The following PLXNA2 variants were observed in gnomAD, a reference collection of about 807,000 sequenced individuals.
PLXNA2 encodes the protein plexin-A2.
Under a neutral mutation model 193.5 loss-of-function variants are expected in PLXNA2, and 91 were observed. The observed-to-expected ratio is 0.47, with a 90% confidence interval of 0.40 to 0.56. The LOEUF (loss-of-function observed/expected upper bound fraction) is 0.56, where lower values mean the gene tolerates loss of function less well. PLXNA2 is among the 20% of genes least tolerant of loss of function. The probability of loss-of-function intolerance (pLI) is 0.00; values close to 1 mark genes in which losing one functional copy is unlikely to be tolerated. For synonymous variants in PLXNA2, 997 were observed against 1,027.3 expected (o/e 0.97, Z 0.56); for missense variants, 1,995 against 2,503.2 (o/e 0.80, Z 4.33).
At chr1:208,088,472 T>C (rs1571902655) in intron 9 of PLXNA2, among the ~76,000 whole-genome samples, 1 of 152,266 alleles carries the variant, frequency 6.6e-6, no homozygotes, top group Non-Finnish European at 1.5e-5. Context: ...AGGAGATATT[T>C]ATGTATCTAC....
intron 12 of PLXNA2, among the ~76,000 whole-genome samples, chr1:208,071,934 T>C (rs1665991301): frequency 6.6e-6 from 1 of 152,198 alleles, no homozygotes; most frequent in Admixed American, 6.5e-5. Flanking sequence ...ATAAATACTT[T>C]TAAATGTCCC....
intron 12 of PLXNA2, among the ~76,000 whole-genome samples, chr1:208,076,428 G>A (rs2102376887): frequency 6.6e-6 from 1 of 152,090 alleles, no homozygotes; most frequent in African/African-American, 2.4e-5. Flanking sequence ...GAAGAACCAT[G>A]GATTCTTATT....
chr1:208,029,489 A>C (rs1394036348), intron 29 of PLXNA2: 1 of 1,005,604 alleles, frequency 9.9e-7, no homozygotes, highest in Non-Finnish European at 1.2e-6. Flanking sequence ...GAGCAGGCAC[A>C]AAGGGCGCCA....
At chr1:208,135,152 T>G (rs1001760470) in intron 4 of PLXNA2, among the ~76,000 whole-genome samples, 5 of 152,092 alleles carry the variant, frequency 3.3e-5, no homozygotes, top group African/African-American at 1.2e-4. Context: ...ATGCAGAGAA[T>G]TTCTTAGGGG....
intron 1 of PLXNA2, among the ~76,000 whole-genome samples, chr1:208,241,770 G>A (rs1007080378): frequency 6.6e-6 from 1 of 152,198 alleles, no homozygotes; most frequent in African/African-American, 2.4e-5. Context: ...GAAGACGATC[G>A]GCTGCGGAGT....
At chr1:208,120,272 C>T (rs1030004606) in intron 4 of PLXNA2, among the ~76,000 whole-genome samples, 1 of 152,194 alleles carries the variant, frequency 6.6e-6, no homozygotes, top group Non-Finnish European at 1.5e-5. Context: ...ATTCAGGACT[C>T]TTAAAAGGCA....
chr1:208,231,757 T>C (rs777094414), intron 1 of PLXNA2, among the ~76,000 whole-genome samples: 1 of 152,150 alleles, frequency 6.6e-6, no homozygotes, highest in African/African-American at 2.4e-5. Context: ...CTTAGGTATA[T>C]TTGAGGTTGA....
At chr1:208,076,520 T>C (rs1666156114) in intron 12 of PLXNA2, among the ~76,000 whole-genome samples, 1 of 152,232 alleles carries the variant, frequency 6.6e-6, no homozygotes, top group African/African-American at 2.4e-5. Context: ...CCCTTCAAGT[T>C]GTGTCAGGTG....
In PLXNA2 at chr1:208,139,428, G is replaced by C. The variant is rs1024762578; in HGVS notation, c.1506+2901C>G. 5.9e-5 allele frequency among the ~76,000 whole-genome samples: 9 copies of C among 152,306 alleles called. No homozygotes were observed. In the South Asian group the frequency reaches 1.5e-3, roughly 25 times the overall value. On this transcript the variant is annotated intron_variant, in intron 4 of 31. Transcript: ENST00000367033. The stretch of plus-strand genomic sequence containing the variant: ...TGAGAAATGGGATCATGAGGCATGA[G>C]AGCTAGAATGGGCCATATAGAATGT...
At chr1:208,094,701 TTTCTGCCC>T (rs1666825104) in intron 8 of PLXNA2, among the ~76,000 whole-genome samples, 1 of 152,216 alleles carries the variant, frequency 6.6e-6, no homozygotes, top group Non-Finnish European at 1.5e-5. Flanking sequence ...CTTCAGTCCC[TTTCTGCCC>T]TCCCTGGTTC....
chr1:208,054,305 T>A (rs1665356101), intron 14 of PLXNA2, 116 bp downstream of exon 14: 1 of 697,946 alleles, frequency 1.4e-6, no homozygotes. Context: ...CCTTTTCTCC[T>A]CCTTGGTCTG....
chr1:208,096,552 G>A (rs187699859), intron 7 of PLXNA2, among the ~76,000 whole-genome samples, 178 bp downstream of exon 7: 28 of 152,310 alleles, frequency 1.8e-4, no homozygotes, highest in Non-Finnish European at 2.5e-4. Context: ...TGGAGCAAGT[G>A]TTTTCTTTCC....
At chr1:208,085,125 C>A (rs932044743) in intron 9 of PLXNA2, among the ~76,000 whole-genome samples, 4 of 150,970 alleles carry the variant, frequency 2.6e-5, no homozygotes, top group Non-Finnish European at 5.9e-5. Context: ...CCAGGCCCTG[C>A]GTGAATGCCA....
intron 3 of PLXNA2, among the ~76,000 whole-genome samples, chr1:208,172,386 CT>C (rs1669524405): frequency 6.6e-6 from 1 of 152,096 alleles, no homozygotes; most frequent in Admixed American, 6.5e-5. Flanking sequence ...TAGCTCTCTA[CT>C]TTGACATTGC....
intron 13 of PLXNA2, among the ~76,000 whole-genome samples, chr1:208,059,786 C>T (rs1665558401): frequency 6.6e-6 from 1 of 152,144 alleles, no homozygotes; most frequent in Non-Finnish European, 1.5e-5. Context: ...TGAGAAAGTG[C>T]TCTGTTAACT....
At chr1:208,157,559 G>A (rs1286847254) in intron 3 of PLXNA2, among the ~76,000 whole-genome samples, 3 of 152,194 alleles carry the variant, frequency 2.0e-5, no homozygotes, top group Non-Finnish European at 2.9e-5. Context: ...CTACTCTCAG[G>A]ATGTTGTAAG....
In PLXNA2 at chr1:208,061,598, T is replaced by C. The variant is rs535356388; in HGVS notation, c.2587-761A>G. On this transcript the variant is annotated intron_variant, in intron 12 of 31. Transcript: ENST00000367033. ...GACACATGCTAGGACAAAGAAGAAA[T>C]AACTTTAGGATTTTCCAAATCTTTG... Among the ~76,000 whole-genome samples the C allele has an allele frequency of 2.0e-4, 30 of 152,268 alleles. 1 individual carries two copies. Among genetic ancestry groups the C allele is most frequent in the Non-Finnish European group, 2.9e-4 (20 of 68,020 alleles).
At chr1:208,238,182 T>C (rs978744008) in intron 1 of PLXNA2, among the ~76,000 whole-genome samples, 2 of 152,066 alleles carry the variant, frequency 1.3e-5, no homozygotes, top group Non-Finnish European at 1.5e-5. Flanking sequence ...TATGTGTGTT[T>C]TGCGGGGATC....
intron 3 of PLXNA2, among the ~76,000 whole-genome samples, chr1:208,195,786 A>AT (rs1157033369): frequency 6.7e-6 from 1 of 150,242 alleles, no homozygotes; most frequent in Admixed American, 6.6e-5. Context: ...AAGGAGACAG[A>AT]TTTTTTATTT....
Sources: gnomAD v4.1 joint callset for allele counts (sites outside exome capture counted in the v4.1 genomes callset) on GRCh38, gnomAD v4.1.1 for gene constraint, MANE v1.5 for transcripts, NCBI Gene and HGNC (gene_info 2026-07-23, HGNC 2026-07-21) for gene names.